ACOT11: variants seen among roughly 807,000 people sequenced by gnomAD.
ACOT11 encodes the protein acyl-CoA thioesterase 11.
A neutral mutation model predicts 77.5 loss-of-function variants in ACOT11; 69 were observed. The ratio of observed to expected loss-of-function variants is 0.89; its 90% CI spans 0.73 to 1.09. The LOEUF (loss-of-function observed/expected upper bound fraction) is 1.09, where lower values mean the gene tolerates loss of function less well. Ranked by LOEUF, ACOT11 falls within the 50% of genes least tolerant of loss-of-function variation. The pLI is 0.00. For missense variants in ACOT11, 766 were observed against 813.7 expected (o/e 0.94, Z 0.71); for synonymous variants, 279 against 313.0 (o/e 0.89, Z 1.15).
chr1:54,597,802 C>A, intron 7 of ACOT11: 1 of 205,502 alleles, frequency 4.9e-6, no homozygotes, highest in South Asian at 9.0e-5. Context: ...CCTGATGTAG[C>A]CTCCTGCCGT....
rs575202525 is a variant in ACOT11, at chr1:54,578,531, G to T, written c.34-6124G>T. On this transcript the variant is annotated intron_variant, in intron 1 of 15. Coordinates refer to ENST00000343744, the MANE Select transcript of ACOT11 (RefSeq NM_147161.4). The stretch of plus-strand genomic sequence containing the variant: ...CATCTTTCTAAATGCAGATTCACAG[G>T]CAGATGACAGTCCATGACCTGAATA... Among the ~76,000 whole-genome samples the T allele has an allele frequency of 6.6e-5, 10 of 152,298 alleles. No homozygotes were observed. The South Asian group carries it at 1.9e-3, about 28-fold the overall frequency.
At chr1:54,613,816 GAAGCAC>G (rs923457099), downstream of ACOT11, among the ~76,000 whole-genome samples, 11 of 152,172 alleles carry the variant, frequency 7.2e-5, no homozygotes, top group Non-Finnish European at 1.0e-4. Context: ...CTCAGCTTGA[GAAGCAC>G]AATAATAAAT....
rs562268407 is a variant in ACOT11, at chr1:54,553,972, G to A, written c.33+5630G>A. 2.0e-3 allele frequency among the ~76,000 whole-genome samples: 299 copies of A among 152,006 alleles called. 1 individual carries two copies. Among genetic ancestry groups the A allele is most frequent in the African/African-American group, 6.9e-3 (286 of 41,452 alleles). Reference sequence around the variant, plus strand: ...GCGGATCGCTTGAGCTCAGGACTTCGAGGCCAGCCTGGGCAACATGGCAAA... The same window carrying A: ...GCGGATCGCTTGAGCTCAGGACTTCAAGGCCAGCCTGGGCAACATGGCAAA... On this transcript the variant is annotated intron_variant, in intron 1 of 15. Coordinates refer to ENST00000343744, the MANE Select transcript of ACOT11 (RefSeq NM_147161.4).
Position 54,623,307 on chromosome 1 carries a change from A to G in ACOT11, c.1630-7427A>G, listed in dbSNP as rs769081035. On this transcript the variant is annotated intron_variant, in intron 15 of 16. Transcript: ENST00000371316. ...CCGCCGCAGGGTGATGGCAAGGACTATTGCGGCAATGACCACCACAGACAC... is the reference window on the plus strand; with the variant it reads ...CCGCCGCAGGGTGATGGCAAGGACTGTTGCGGCAATGACCACCACAGACAC... 44 of 1,613,920 alleles carry G rather than the reference A, an allele frequency of 2.7e-5. No homozygotes were observed. The highest frequency in any genetic ancestry group is 2.0e-4 in the South Asian group (18 of 91,070).
chr1:54,608,843 C>T, intron 15 of ACOT11, 114 bp from the exon 16 acceptor site: 1 of 1,061,760 alleles, frequency 9.4e-7, no homozygotes, highest in Non-Finnish European at 1.4e-6. Context: ...ATTCTGCCCT[C>T]CCAGAAGGCC....
intron 1 of ACOT11, among the ~76,000 whole-genome samples, chr1:54,581,617 G>C (rs1052824074): frequency 6.6e-6 from 1 of 152,140 alleles, no homozygotes; most frequent in Non-Finnish European, 1.5e-5. Flanking sequence ...CAGGGCCTGG[G>C]GCCAGCACTT....
At position 54,609,910 on chromosome 1, in the gene ACOT11, G is replaced by T; in HGVS notation, c.*798G>T. The T allele has an allele frequency of 6.2e-7, 1 of 1,609,486 alleles. No homozygotes were observed. Among genetic ancestry groups the T allele is most frequent in the Non-Finnish European group, 8.5e-7 (1 of 1,179,800 alleles). On this transcript the variant is annotated 3_prime_UTR_variant, in exon 16 of 16. Transcript: ENST00000343744. ...GGTTTTCAGCCACAGTTCCCTCGAG[G>T]CCAGTGTTCAGCAGGATCATGCCTT...
intron 15 of ACOT11, chr1:54,623,518 T>G: frequency 1.4e-6 from 1 of 740,534 alleles, no homozygotes; most frequent in Non-Finnish European, 2.4e-6. Flanking sequence ...CCGGGCCTGG[T>G]CTGCTCTGCA....
chr1:54,614,796 A>G, downstream of ACOT11: 1 of 1,614,146 alleles, frequency 6.2e-7, no homozygotes. Flanking sequence ...TTCCTCTGTC[A>G]GCTGCCGCAG....
intron 16 of ACOT11, among the ~76,000 whole-genome samples, chr1:54,633,074 A>G (rs1234561178): frequency 6.6e-6 from 1 of 152,168 alleles, no homozygotes; most frequent in Non-Finnish European, 1.5e-5. Context: ...GTTTGAAAGA[A>G]CCACTTCAAG....
Position 54,560,726 on chromosome 1 carries a change from A to ATT in ACOT11, c.33+12396_33+12397dup, listed in dbSNP as rs11455599. On this transcript the variant is annotated intron_variant, in intron 1 of 15. Transcript: ENST00000343744. ...AACAATGTGTCAACTATGCTTGGCT[A>ATT]TTTTTTTTTTTTTGAGACAGAGTTT... Among the ~76,000 whole-genome samples the ATT allele has an allele frequency of 4.6e-3, 651 of 142,530 alleles. 3 individuals carry two copies. The highest frequency in any genetic ancestry group is 0.015 in the African/African-American group (601 of 39,112). The allele number at this position is 142,530 out of a possible 152,430, so 93.5% of individuals were successfully genotyped here. A position where few individuals can be genotyped will look rare whatever the true frequency, so the allele number is the denominator to read the frequency against.
intron 1 of ACOT11, among the ~76,000 whole-genome samples, chr1:54,566,133 A>G (rs1653722177): frequency 6.6e-6 from 1 of 152,106 alleles, no homozygotes; most frequent in South Asian, 2.1e-4. Flanking sequence ...ACTCCTTTGC[A>G]GATTCCTCCT....
intron 7 of ACOT11, chr1:54,598,004 ACT>A (rs1209760614): frequency 6.5e-6 from 1 of 152,866 alleles, no homozygotes; most frequent in African/African-American, 2.4e-5. Flanking sequence ...ACTAATTGAC[ACT>A]CTCACACCTC....
At chr1:54,572,563 C>T (rs1020835793) in intron 1 of ACOT11, among the ~76,000 whole-genome samples, 37 of 152,096 alleles carry the variant, frequency 2.4e-4, no homozygotes, top group African/African-American at 8.9e-4. Flanking sequence ...CAAAGCAGCT[C>T]CCCTGAGGGG....
intron 1 of ACOT11, among the ~76,000 whole-genome samples, chr1:54,571,669 C>T (rs1471903893): frequency 3.3e-5 from 5 of 152,208 alleles, no homozygotes; most frequent in African/African-American, 7.2e-5. Context: ...GCTCCTCTCC[C>T]ACCTCTCTGC....
At chr1:54,574,189 GGTT>G (rs1181842631) in intron 1 of ACOT11, among the ~76,000 whole-genome samples, 1 of 152,204 alleles carries the variant, frequency 6.6e-6, no homozygotes, top group African/African-American at 2.4e-5. Context: ...GCTCCTGTTA[GGTT>G]GTTAGTTTTG....
chr1:54,573,939 G>C (rs908695976), intron 1 of ACOT11, among the ~76,000 whole-genome samples: 8 of 151,080 alleles, frequency 5.3e-5, no homozygotes, highest in African/African-American at 2.0e-4. Context: ...TGTGGCAGGA[G>C]AATCGCTTGA....
chr1:54,574,912 G>A (rs1427431761), intron 1 of ACOT11, among the ~76,000 whole-genome samples: 1 of 152,236 alleles, frequency 6.6e-6, no homozygotes, highest in Non-Finnish European at 1.5e-5. Flanking sequence ...TGCACAGTTA[G>A]CCAGGTGCCT....
intron 1 of ACOT11, among the ~76,000 whole-genome samples, chr1:54,560,923 A>G (rs927612234): frequency 4.6e-5 from 7 of 152,016 alleles, no homozygotes; most frequent in Admixed American, 2.6e-4. Context: ...GGGTTTCACC[A>G]TGTTGGCCAG....
Sources: allele counts gnomAD v4.1 joint callset (sites outside exome capture counted in the v4.1 genomes callset), GRCh38; gene constraint gnomAD v4.1.1; transcripts MANE v1.5; gene names NCBI Gene and HGNC (gene_info 2026-07-23, HGNC 2026-07-21).